Variants in PCNX1 observed in about 807,000 individuals in gnomAD.
The protein encoded by PCNX1 is pecanex 1, also known as pecanex-like protein 1.
Under a neutral mutation model 242.2 loss-of-function variants are expected in PCNX1, and 78 were observed. The ratio of observed to expected loss-of-function variants is 0.32; its 90% CI spans 0.27 to 0.39. The LOEUF (loss-of-function observed/expected upper bound fraction) is 0.39, where lower values mean the gene tolerates loss of function less well. Ranked by LOEUF, PCNX1 falls within the 10% of genes least tolerant of loss-of-function variation. PCNX1 has a pLI of 1.00. For missense variants in PCNX1, 2,581 were observed against 2,856.5 expected (o/e 0.90, Z 2.20); for synonymous variants, 1,024 against 1,032.9 (o/e 0.99, Z 0.17).
intron 10 of PCNX1, 135 bp downstream of exon 10, chr14:71,011,684 A>T: frequency 1.6e-6 from 1 of 618,154 alleles, no homozygotes; most frequent in Non-Finnish European, 2.9e-6. Flanking sequence ...TGGCAAAATC[A>T]CTTTGCTGCC....
Position 71,081,011 on chromosome 14 carries a change from TA to T in PCNX1, c.5337+4595del, listed in dbSNP as rs566226778. On this transcript the variant is annotated intron_variant, in intron 28 of 35. Transcript: ENST00000304743. ...TATGATATTAGCTGTGGGTTTGTCATAAATAGCTCTTATTATTTTGAGATAG... is the reference window on the plus strand; with the variant it reads ...TATGATATTAGCTGTGGGTTTGTCATAATAGCTCTTATTATTTTGAGATAG... 3.0e-3 allele frequency among the ~76,000 whole-genome samples: 450 copies of T among 152,330 alleles called. 5 individuals are homozygous for T. The highest frequency in any genetic ancestry group is 0.01 in the African/African-American group (432 of 41,584).
rs189137747 is a variant in PCNX1, at chr14:71,062,782, A to T, written c.4852+5058A>T. Among the ~76,000 whole-genome samples, 781 of 152,236 alleles carry T rather than the reference A, an allele frequency of 5.1e-3. 10 individuals carry two copies. The highest frequency in any genetic ancestry group is 0.018 in the African/African-American group (733 of 41,538). ...ACACTCACTCACTACTGACTCAGTG[A>T]CTCACCCAGAGCAACTTCCAGTCCT... is the stretch of plus-strand genomic sequence containing the variant. On this transcript the variant is annotated intron_variant, in intron 26 of 35. Transcript: ENST00000304743.
In PCNX1 at chr14:71,047,915, A is replaced by G. The variant is rs552732103; in HGVS notation, c.4269A>G (p.Lys1423=). The G allele has an allele frequency of 6.2e-7, 1 of 1,613,392 alleles. No homozygotes were observed. The highest frequency in any genetic ancestry group is 1.3e-5 in the African/African-American group (1 of 75,004). Residue 1423 remains lysine (K), a synonymous_variant, in exon 22 of 36, where the codon AAA becomes AAG. Transcript: ENST00000304743. ...TCATCTTTACTGTGCTGTTTTTCAA[A>G]TTTGACTATGAAGCTTTTTCAGAGA... ...VTVIFTVLFF[K]FDYEAFSETM...
intron 15 of PCNX1, among the ~76,000 whole-genome samples, chr14:71,028,090 A>G (rs1007441006): frequency 1.3e-5 from 2 of 151,884 alleles, no homozygotes; most frequent in African/African-American, 4.8e-5. Context: ...GCCATCCCCT[A>G]TTCCTTATTA....
intron 3 of PCNX1, among the ~76,000 whole-genome samples, chr14:70,963,996 T>G (rs954288142): frequency 6.6e-6 from 1 of 152,218 alleles, no homozygotes; most frequent in African/African-American, 2.4e-5. Context: ...ATGGGAGATG[T>G]CAAGAGTTTT....
At chr14:70,931,917 A>C (rs971607867) in intron 1 of PCNX1, among the ~76,000 whole-genome samples, 2 of 152,188 alleles carry the variant, frequency 1.3e-5, no homozygotes, top group African/African-American at 4.8e-5. Flanking sequence ...TGAGGTCGGG[A>C]GTTCCAGACC....
In PCNX1 at chr14:70,954,830, T is replaced by A. The variant is rs188689418; in HGVS notation, c.363-7396T>A. ...GTGTACATCCTTGTCTTTTTTCTAA[T>A]CTTTAATATTTTTAAGTTTCACTAG... is the stretch of plus-strand genomic sequence containing the variant. On this transcript the variant is annotated intron_variant, in intron 2 of 35. Transcript: ENST00000304743. 9.7e-4 allele frequency among the ~76,000 whole-genome samples: 148 copies of A among 152,342 alleles called. No individual in the cohort carries two copies. The Middle Eastern group carries it at 0.01, about 11-fold the overall frequency.
chr14:70,922,110 A>G (rs1594899206), intron 1 of PCNX1, among the ~76,000 whole-genome samples: 1 of 152,172 alleles, frequency 6.6e-6, no homozygotes, highest in Admixed American at 6.6e-5. Flanking sequence ...TGAGTAACTG[A>G]TTCTGGCAAT....
intron 6 of PCNX1, 53 bp from the exon 7 acceptor site, chr14:70,988,514 T>G: frequency 6.3e-7 from 1 of 1,582,680 alleles, no homozygotes; most frequent in Non-Finnish European, 8.6e-7. Context: ...GCTCAGCTGC[T>G]ATTTACATCT....
At chr14:70,968,094 A>C (rs918657642) in intron 3 of PCNX1, 104 bp from the exon 4 acceptor site, 13 of 814,062 alleles carry the variant, frequency 1.6e-5, no homozygotes, top group Middle Eastern at 5.6e-4. Context: ...GATCGATAAC[A>C]TGTTTTGATC....
intron 9 of PCNX1, among the ~76,000 whole-genome samples, chr14:71,010,846 C>T (rs765568827): frequency 2.0e-5 from 3 of 152,010 alleles, no homozygotes; most frequent in Non-Finnish European, 2.9e-5. Context: ...AGTCATTTAG[C>T]TCCACATGCT....
At chr14:71,019,574 G>T (rs576684916) in intron 12 of PCNX1, among the ~76,000 whole-genome samples, 6 of 152,118 alleles carry the variant, frequency 3.9e-5, no homozygotes, top group Non-Finnish European at 8.8e-5. Flanking sequence ...GCTAATTTTC[G>T]TATTTTTAGT....
intron 1 of PCNX1, among the ~76,000 whole-genome samples, chr14:70,940,361 G>T (rs1170698079): frequency 4.6e-5 from 7 of 152,210 alleles, no homozygotes; most frequent in African/African-American, 7.2e-5. Flanking sequence ...GTCTGTAAAG[G>T]ATTTTATTTC....
rs529614753 is a variant in PCNX1, at chr14:71,041,442, C to T, written c.3868-3691C>T. On this transcript the variant is annotated intron_variant, in intron 19 of 35. Transcript: ENST00000304743. Reference sequence around the variant, plus strand: ...TTCAATCTTGTTAGGTTGTATGTGTCTAGGAATTAATCCATTTTCTCTAGA... The same window carrying T: ...TTCAATCTTGTTAGGTTGTATGTGTTTAGGAATTAATCCATTTTCTCTAGA... Among the ~76,000 whole-genome samples, 25 of 152,122 alleles carry T rather than the reference C, an allele frequency of 1.6e-4. No individual in the cohort carries two copies. In the East Asian group the frequency reaches 4.1e-3, roughly 25 times the overall value.
chr14:70,954,340 T>G (rs2810107), intron 2 of PCNX1, among the ~76,000 whole-genome samples: 96,236 of 151,902 alleles, frequency 0.63, 30,755 homozygotes, highest in South Asian at 0.72. Flanking sequence ...AGCCAGTGGG[T>G]TAAACCTCCT....
At chr14:70,921,809 A>T (rs1287253841) in intron 1 of PCNX1, among the ~76,000 whole-genome samples, 3 of 152,130 alleles carry the variant, frequency 2.0e-5, no homozygotes, top group African/African-American at 7.2e-5. Context: ...ATCTGTACAT[A>T]CTCTGTCTCT....
chr14:70,913,483 G>T (rs2056017393), intron 1 of PCNX1, among the ~76,000 whole-genome samples: 1 of 152,088 alleles, frequency 6.6e-6, no homozygotes, highest in South Asian at 2.1e-4. Context: ...CAGCTGTGTG[G>T]TTATACATAC....
In PCNX1 at chr14:71,009,761, C is replaced by T; in HGVS notation, c.2720+37C>T. ...GTCATATTAGGAGTGTGTGTACTTT[C>T]ATATGTTTGCCATATTTAATGTTTT... On this transcript the variant is annotated intron_variant, in intron 9 of 35. Coordinates refer to ENST00000304743, the MANE Select transcript of PCNX1 (RefSeq NM_014982.3). 4 of 1,199,116 alleles carry T rather than the reference C, an allele frequency of 3.3e-6. No homozygotes were observed. The South Asian group carries it at 5.8e-5, about 17-fold the overall frequency. The allele number at this position is 1,199,116 out of a possible 1,614,324, so 74.3% of individuals were successfully genotyped here.
intron 26 of PCNX1, among the ~76,000 whole-genome samples, chr14:71,072,670 T>C (rs567627273): frequency 6.6e-6 from 1 of 152,356 alleles, no homozygotes; most frequent in East Asian, 1.9e-4. Context: ...CTGATTTCTG[T>C]ACAGTTAAGT....
Sources: allele counts gnomAD v4.1 joint callset (sites outside exome capture counted in the v4.1 genomes callset), GRCh38; gene constraint gnomAD v4.1.1; transcripts MANE v1.5; gene names NCBI Gene and HGNC (gene_info 2026-07-23, HGNC 2026-07-21).